CCDC181: variants seen among roughly 807,000 people sequenced by gnomAD.
CCDC181 encodes the protein coiled-coil domain-containing protein 181.
CCDC181 carries 35 observed loss-of-function variants against 58.7 expected under a neutral mutation model. The ratio of observed to expected loss-of-function variants is 0.60; its 90% confidence interval spans 0.46 to 0.79. The LOEUF (loss-of-function observed/expected upper bound fraction) is 0.79. Among genes scored for constraint, CCDC181 ranks in the 30% least tolerant of loss-of-function variants. The pLI, the probability that CCDC181 is intolerant of heterozygous loss-of-function variation, is 0.00. For synonymous variants in CCDC181, 183 were observed against 197.5 expected, an observed-to-expected ratio of 0.93 and a Z score of 0.62; for missense variants, 517 against 583.9, an observed-to-expected ratio of 0.89 and a Z score of 1.18.
chr1:169,428,303 G>GA (rs1656800042), upstream of CCDC181, among the ~76,000 whole-genome samples: 1 of 152,036 alleles, frequency 6.6e-6, no homozygotes, highest in South Asian at 2.1e-4. Context: ...TTCAGCGCTT[G>GA]AAAAAAGACG....
chr1:169,451,838 T>C (rs756625516), intron 2 of CCDC181, among the ~76,000 whole-genome samples: 2 of 152,106 alleles, frequency 1.3e-5, no homozygotes, highest in Non-Finnish European at 1.5e-5. Context: ...AGATAACTTA[T>C]GGCTTTTAGC....
chr1:169,438,206 T>C (rs890794727), intron 2 of CCDC181, among the ~76,000 whole-genome samples: 2 of 152,132 alleles, frequency 1.3e-5, no homozygotes, highest in Admixed American at 1.3e-4. Flanking sequence ...AATCCTTTTT[T>C]TTTTAAATAT....
intron 2 of CCDC181, among the ~76,000 whole-genome samples, chr1:169,450,825 C>G (rs1003723226): frequency 2.6e-5 from 4 of 152,132 alleles, no homozygotes; most frequent in African/African-American, 4.8e-5. Context: ...TTTTTTGTTA[C>G]AACCATTCTA....
chr1:169,427,538 C>G (rs1398325234), upstream of CCDC181: 1 of 152,252 alleles, frequency 6.6e-6, no homozygotes, highest in Non-Finnish European at 1.5e-5. Flanking sequence ...GCACCCATCC[C>G]GGTGCTTGCG....
chr1:169,433,674 G>A (rs1429146143), intron 2 of CCDC181, among the ~76,000 whole-genome samples: 8 of 152,078 alleles, frequency 5.3e-5, no homozygotes, highest in African/African-American at 1.9e-4. Flanking sequence ...ATGAAACTCC[G>A]AGGGGAAAGG....
chr1:169,459,903 A>T (rs1657793802), intron 1 of CCDC181: 1 of 137,562 alleles, frequency 7.3e-6, no homozygotes, highest in Admixed American at 7.4e-5. Flanking sequence ...GTTTGAAATT[A>T]GGAAAAAAAA....
chr1:169,418,906 T>C, intron 4 of CCDC181, 107 bp downstream of exon 4: 1 of 870,798 alleles, frequency 1.1e-6, no homozygotes, highest in South Asian at 1.7e-5. Context: ...TTGAACAACT[T>C]TTCTACTTCT....
intron 3 of CCDC181, among the ~76,000 whole-genome samples, chr1:169,420,812 CA>C (rs59080192): frequency 0.014 from 2,162 of 151,540 alleles, 42 homozygotes; most frequent in African/African-American, 0.049. Flanking sequence ...ATATGAAAAA[CA>C]AAAAAAATTA....
rs144382474 is a variant in CCDC181, at chr1:169,435,254, T to A, written c.-23-10304A>T. ...ATCACATATTGTATAATTCCATTAA[T>A]ATGAAATGTCCAGAATAGGTAAATC... On this transcript the variant is annotated intron_variant, in intron 2 of 6. Transcript: ENST00000545005. 6.2e-3 allele frequency among the ~76,000 whole-genome samples: 949 copies of A among 152,212 alleles called. 10 individuals are homozygous for A. The highest frequency in any genetic ancestry group is 0.022 in the African/African-American group (895 of 41,552).
chr1:169,454,680 A>G (rs1026717898), intron 2 of CCDC181: 86 of 152,216 alleles, frequency 5.6e-4, no homozygotes, highest in African/African-American at 2.0e-3. Context: ...TGATACATAC[A>G]AAAGAATATA....
At position 169,419,025 on chromosome 1, in the gene CCDC181, G is replaced by A. The variant is rs1167249687; in HGVS notation, c.1203C>T (p.Asp401=). The A allele has an allele frequency of 6.2e-6, 10 of 1,612,546 alleles. No homozygotes were observed. The highest frequency in any genetic ancestry group is 8.5e-6 in the Non-Finnish European group (10 of 1,179,234). The change falls in exon 4 of 6, where the codon GAC becomes GAT. Residue 401 remains aspartate, a synonymous_variant. Transcript: ENST00000367806. The stretch of plus-strand genomic sequence containing the variant: ...AAGTTTTACTTACTCTACTGTTCAT[G>A]TCTTCAATTTCCTTTGCTCGCTGAA... ...RRIQRAKEIE[D]MNSRQENRDP...
In CCDC181 at chr1:169,454,127, G is replaced by A. The variant is rs575406415; in HGVS notation, c.-24+5670C>T. The stretch of plus-strand genomic sequence containing the variant: ...CATTATAAAACAAGGCTATTTTTGC[G>A]GTAGTCAGACAAAGGCACAGCCTCC... On this transcript the variant is annotated intron_variant, in intron 2 of 6. Transcript: ENST00000545005. Among the ~76,000 whole-genome samples the A allele has an allele frequency of 4.6e-5, 7 of 151,992 alleles. No homozygotes were observed. In the South Asian group the frequency reaches 1.0e-3, roughly 23 times the overall value.
chr1:169,426,235 A>T (rs773917400), intron 1 of CCDC181, among the ~76,000 whole-genome samples: 29 of 152,166 alleles, frequency 1.9e-4, no homozygotes, highest in Non-Finnish European at 4.0e-4. Flanking sequence ...CCTTTTTCAA[A>T]TGCGTCACAG....
At chr1:169,424,183 G>A (rs566374362) in intron 2 of CCDC181, among the ~76,000 whole-genome samples, 1 of 151,910 alleles carries the variant, frequency 6.6e-6, no homozygotes, top group African/African-American at 2.4e-5. Flanking sequence ...CATGTAAAGA[G>A]AGAGAGAAAT....
chr1:169,395,953 A>T (rs1655008672), intron 5 of CCDC181: 1 of 151,662 alleles, frequency 6.6e-6, no homozygotes. Context: ...TCATAATCTG[A>T]TGATATGTGG....
intron 4 of CCDC181, among the ~76,000 whole-genome samples, chr1:169,408,746 G>T (rs113344251): frequency 2.0e-5 from 3 of 152,186 alleles, no homozygotes; most frequent in African/African-American, 7.2e-5. Context: ...AAGCAAACAA[G>T]GTCTGGAGAG....
chr1:169,406,873 C>T (rs1373889023), intron 4 of CCDC181, among the ~76,000 whole-genome samples: 1 of 151,552 alleles, frequency 6.6e-6, no homozygotes, highest in East Asian at 1.9e-4. Flanking sequence ...CCTGAATGGG[C>T]TTAACAGTGG....
At chr1:169,446,169 G>T (rs140748098) in intron 2 of CCDC181, among the ~76,000 whole-genome samples, 2 of 152,128 alleles carry the variant, frequency 1.3e-5, no homozygotes, top group East Asian at 1.9e-4. Context: ...TCTTAGGCCG[G>T]GTGCGGTGGC....
At chr1:169,448,158 A>G (rs927015561) in intron 2 of CCDC181, among the ~76,000 whole-genome samples, 1 of 152,150 alleles carries the variant, frequency 6.6e-6, no homozygotes, top group Non-Finnish European at 1.5e-5. Context: ...CATCATTGTC[A>G]TCCACTCCAC....
Sources: gnomAD v4.1 joint callset for allele counts (sites outside exome capture counted in the v4.1 genomes callset) on GRCh38, gnomAD v4.1.1 for gene constraint, MANE v1.5 for transcripts, NCBI Gene and HGNC (gene_info 2026-07-23, HGNC 2026-07-21) for gene names.